Variants in GPHN observed in about 807,000 individuals in gnomAD.
GPHN encodes the protein gephyrin.
In GPHN, 17 loss-of-function variants were observed where a neutral mutation model predicts 95.5. That is an observed-to-expected ratio of 0.18 (90% confidence interval 0.12 to 0.27). The LOEUF (loss-of-function observed/expected upper bound fraction) is 0.27. Among genes scored for constraint, GPHN ranks in the 10% least tolerant of loss-of-function variants. The pLI, the probability that GPHN is intolerant of heterozygous loss-of-function variation, is 1.00. For missense variants in GPHN, 660 were observed against 978.1 expected, an observed-to-expected ratio of 0.67 and a Z score of 4.34; for synonymous variants, 320 against 322.5, an observed-to-expected ratio of 0.99 and a Z score of 0.08.
In GPHN at chr14:66,653,586, C is replaced by T. The variant is rs75096166; in HGVS notation, c.65-27521C>T. 5.4e-3 allele frequency among the ~76,000 whole-genome samples: 828 copies of T among 152,298 alleles called. 10 individuals carry two copies. The highest frequency in any genetic ancestry group is 0.019 in the African/African-American group (785 of 41,562). On this transcript the variant is annotated intron_variant, in intron 1 of 22. Transcript: ENST00000478722. The stretch of plus-strand genomic sequence containing the variant: ...GCCTATTTGTAAAATACCCACTTCC[C>T]TTTCCCCATCTCCCACCTGAACTCC...
chr14:66,882,511 A>T (rs186763162), intron 5 of GPHN, among the ~76,000 whole-genome samples: 1 of 151,842 alleles, frequency 6.6e-6, no homozygotes, highest in Non-Finnish European at 1.5e-5. Flanking sequence ...AGATATTATG[A>T]AGTAATGGTT....
the GPHN span, among the ~76,000 whole-genome samples, chr14:67,493,963 C>T: frequency 3.3e-5 from 5 of 152,008 alleles, no homozygotes; most frequent in Non-Finnish European, 5.9e-5. Context: ...GCTGTCTGCT[C>T]TCCATCTGAA....
intron 3 of GPHN, 44 bp downstream of exon 3, chr14:66,776,565 G>C (rs765211468): frequency 1.8e-6 from 2 of 1,088,088 alleles, no homozygotes. Context: ...TTAGCATCTT[G>C]GTGAGGGGTG....
chr14:67,288,964 CTTTTT>C, the GPHN span, among the ~76,000 whole-genome samples: 18 of 107,064 alleles, frequency 1.7e-4, no homozygotes, highest in Admixed American at 2.0e-4. Flanking sequence ...TCTTTATTTC[CTTTTT>C]TTTTTTTTTT....
chr14:67,242,499 A>T, the GPHN span, among the ~76,000 whole-genome samples: 1 of 152,224 alleles, frequency 6.6e-6, no homozygotes, highest in African/African-American at 2.4e-5. Context: ...ATGCTTTTGG[A>T]TTATACCAGA....
At chr14:67,158,656 A>G (rs902130253) in intron 18 of GPHN, among the ~76,000 whole-genome samples, 1 of 152,158 alleles carries the variant, frequency 6.6e-6, no homozygotes, top group Non-Finnish European at 1.5e-5. Flanking sequence ...AATGTTAAGG[A>G]GTGCAATTTT....
intron 2 of GPHN, among the ~76,000 whole-genome samples, chr14:66,697,629 A>G (rs1473851711): frequency 1.3e-5 from 2 of 149,574 alleles, no homozygotes; most frequent in East Asian, 1.9e-4. Flanking sequence ...TTGGCAAACT[A>G]TGATCCACAG....
chr14:67,714,781 G>C, the GPHN span: 3 of 152,218 alleles, frequency 2.0e-5, no homozygotes, highest in East Asian at 5.8e-4. Flanking sequence ...TAAATGTTAG[G>C]CAATTTTTAA....
At chr14:66,550,988 C>G (rs933609269) in intron 1 of GPHN, 3 of 153,076 alleles carry the variant, frequency 2.0e-5, no homozygotes, top group African/African-American at 7.2e-5. Context: ...TCCCGAGTAG[C>G]TGGGACTACA....
chr14:67,239,009 T>G, the GPHN span, among the ~76,000 whole-genome samples: 1 of 152,180 alleles, frequency 6.6e-6, no homozygotes, highest in African/African-American at 2.4e-5. Flanking sequence ...TATAGCACTT[T>G]AAAAAGGAAT....
the GPHN span, chr14:67,586,325 G>A: frequency 7.5e-7 from 1 of 1,341,764 alleles, no homozygotes; most frequent in Non-Finnish European, 1.0e-6. Flanking sequence ...CTCTGGCCTA[G>A]CTACTATTAT....
At chr14:66,695,585 A>T (rs1473836868) in intron 2 of GPHN, among the ~76,000 whole-genome samples, 1 of 152,238 alleles carries the variant, frequency 6.6e-6, no homozygotes, top group African/African-American at 2.4e-5. Flanking sequence ...TTTATAAATG[A>T]CAAAACTTGG....
chr14:67,550,189 T>G, the GPHN span, among the ~76,000 whole-genome samples: 207 of 152,172 alleles, frequency 1.4e-3, no homozygotes, highest in Non-Finnish European at 2.2e-3. Context: ...ACCATTGTCT[T>G]TATATTTTTT....
At chr14:67,570,080 C>G in the GPHN span, 1 of 1,096,256 alleles carries the variant, frequency 9.1e-7, no homozygotes, top group Non-Finnish European at 1.4e-6. Context: ...CATCCAATGA[C>G]TGGGGCGGGG....
chr14:67,455,307 C>T, the GPHN span, among the ~76,000 whole-genome samples: 4 of 152,322 alleles, frequency 2.6e-5, no homozygotes, highest in East Asian at 7.7e-4. Context: ...CACCTGTTCC[C>T]TCCCACCCCA....
At chr14:67,671,047 G>A in the GPHN span, among the ~76,000 whole-genome samples, 1 of 152,144 alleles carries the variant, frequency 6.6e-6, no homozygotes. Context: ...TAGAAAAAGA[G>A]GATTCAGAGA....
chr14:67,405,013 C>T, the GPHN span, among the ~76,000 whole-genome samples: 1 of 151,668 alleles, frequency 6.6e-6, no homozygotes, highest in Admixed American at 6.6e-5. Context: ...GTAGGCGGGT[C>T]ACCTGAGGTC....
the GPHN span, chr14:67,221,672 C>A: frequency 6.6e-7 from 1 of 1,522,984 alleles, no homozygotes; most frequent in East Asian, 2.4e-5. Flanking sequence ...TCATTACTAC[C>A]CACAGAGCAT....
rs550632792 is a variant in GPHN, at chr14:66,586,414, A to G, written c.64+77823A>G. On this transcript the variant is annotated intron_variant, in intron 1 of 22. Transcript: ENST00000478722. ...TTAAGGTTAGTATTGTTATGTGTGA[A>G]TTTGATCCTGTCATTATGATGTTAG... 6.6e-4 allele frequency among the ~76,000 whole-genome samples: 101 copies of G among 152,244 alleles called. 1 individual carries two copies. The highest frequency in any genetic ancestry group is 9.1e-4 in the Non-Finnish European group (62 of 68,020).
Sources: gnomAD v4.1 joint callset for allele counts (sites outside exome capture counted in the v4.1 genomes callset) on GRCh38, gnomAD v4.1.1 for gene constraint, MANE v1.5 for transcripts, NCBI Gene and HGNC (gene_info 2026-07-23, HGNC 2026-07-21) for gene names.